CAMK2B: variants seen among roughly 807,000 people sequenced by gnomAD.
CAMK2B encodes the protein calcium/calmodulin-dependent protein kinase type II subunit beta.
A neutral mutation model predicts 93.7 loss-of-function variants in CAMK2B; 27 were observed. The observed-to-expected ratio is 0.29, with a 90% confidence interval of 0.21 to 0.40. The LOEUF (loss-of-function observed/expected upper bound fraction) is 0.40. CAMK2B is among the 10% of genes least tolerant of loss of function. CAMK2B has a pLI of 1.00. For missense variants in CAMK2B, 568 were observed against 895.8 expected (o/e 0.63, Z 4.67); for synonymous variants, 374 against 358.8 (o/e 1.04, Z -0.48).
intron 16 of CAMK2B, 122 bp downstream of exon 16, chr7:44,232,700 G>C: frequency 1.2e-6 from 1 of 818,782 alleles, no homozygotes; most frequent in Non-Finnish European, 1.9e-6. Flanking sequence ...CGTACTGCGG[G>C]GAGGGGCGGC....
intron 2 of CAMK2B, among the ~76,000 whole-genome samples, chr7:44,274,007 G>A (rs1247039519): frequency 3.9e-5 from 6 of 152,108 alleles, no homozygotes; most frequent in African/African-American, 9.7e-5. Context: ...CAGCAGTCCC[G>A]CACACTGCTA....
At position 44,218,443 on chromosome 7, in the gene CAMK2B, CAG is replaced by C. The variant is rs2096362042; in HGVS notation, c.*1080_*1081del. The C allele has an allele frequency of 6.6e-6, 1 of 152,336 alleles. No homozygotes were observed. Among genetic ancestry groups the C allele is most frequent in the South Asian group, 2.1e-4 (1 of 4,836 alleles). The allele number at this position is 152,336 out of a possible 1,614,324, so 9.4% of individuals were successfully genotyped here. On this transcript the variant is annotated 3_prime_UTR_variant, in exon 24 of 24. Transcript: ENST00000395749. ...CCCCTCCCAGCTTCAGCTGGGGGCTCAGGGACTTGAGCGAGGCCCGCAGTCCT... is the reference window on the plus strand; with the variant it reads ...CCCCTCCCAGCTTCAGCTGGGGGCTCGGACTTGAGCGAGGCCCGCAGTCCT...
chr7:44,242,001 G>A (rs1378234928), intron 10 of CAMK2B, among the ~76,000 whole-genome samples: 2 of 152,194 alleles, frequency 1.3e-5, no homozygotes, highest in Non-Finnish European at 2.9e-5. Flanking sequence ...CAGTTGGGAG[G>A]AAGGGATCAC....
chr7:44,286,302 T>G lies in CAMK2B; in HGVS notation c.66-2077A>C, dbSNP rs935415385. The stretch of plus-strand genomic sequence containing the variant: ...CAGGGCTGACGTGGCAGGCCTCCAC[T>G]GAGTGTTCTGGACCAGGCCCTGAAG... On this transcript the variant is annotated intron_variant, in intron 1 of 23. Transcript: ENST00000395749. This position sits in a 1 kb window ranked among gnomAD's most constrained non-coding sequence, Gnocchi z 4.0. 2.6e-4 allele frequency among the ~76,000 whole-genome samples: 40 copies of G among 152,164 alleles called. No individual in the cohort carries two copies. Among genetic ancestry groups the G allele is most frequent in the African/African-American group, 8.9e-4 (37 of 41,450 alleles).
intron 17 of CAMK2B, 150 bp downstream of exon 17, chr7:44,230,856 A>T: frequency 1.6e-6 from 1 of 623,072 alleles, no homozygotes; most frequent in South Asian, 2.0e-5. Context: ...GGCTTGGAGC[A>T]GGATTACAGC....
rs536045873 is a variant in CAMK2B, at chr7:44,218,241, A to G, written c.*1284T>C. ...CCCTTCTGCTCCCGGCCCAGATTCCAAAGGCACTCCCACTTCAGTAAACCC... is the reference window on the plus strand; with the variant it reads ...CCCTTCTGCTCCCGGCCCAGATTCCGAAGGCACTCCCACTTCAGTAAACCC... On this transcript the variant is annotated 3_prime_UTR_variant, in exon 24 of 24. Coordinates refer to ENST00000395749, the MANE Select transcript of CAMK2B (RefSeq NM_001220.5). 6.5e-6 allele frequency: 1 copy of G among 153,076 alleles called. No homozygotes were observed. The highest frequency in any genetic ancestry group is 2.4e-5 in the African/African-American group (1 of 41,588). 9.5% of individuals were successfully genotyped at this position (153,076 alleles called of 1,614,324 possible). A position where few individuals can be genotyped will look rare whatever the true frequency, so the allele number is the denominator to read the frequency against.
intron 17 of CAMK2B, chr7:44,230,292 G>A (rs999183023): frequency 6.6e-6 from 1 of 152,464 alleles, no homozygotes; most frequent in Non-Finnish European, 1.5e-5. Context: ...GCTTTGGACA[G>A]GTGAGAAGTT....
chr7:44,231,265 G>A (rs925559861), intron 16 of CAMK2B, among the ~76,000 whole-genome samples: 2 of 152,194 alleles, frequency 1.3e-5, no homozygotes, highest in Non-Finnish European at 2.9e-5. Flanking sequence ...TGGACCTCAT[G>A]CGGCAGTGAC....
chr7:44,278,119 T>A (rs1008950680), intron 2 of CAMK2B, among the ~76,000 whole-genome samples: 16 of 151,806 alleles, frequency 1.1e-4, no homozygotes, highest in African/African-American at 3.9e-4. Context: ...GCCTGGGGAG[T>A]TCCAGGCAGG....
intron 1 of CAMK2B, among the ~76,000 whole-genome samples, chr7:44,291,604 G>A (rs1786854467): frequency 6.6e-6 from 1 of 152,176 alleles, no homozygotes; most frequent in Non-Finnish European, 1.5e-5. Context: ...TTTGACTTTT[G>A]TATTTAACAT....
chr7:44,246,130 G>C (rs2096727310), intron 6 of CAMK2B, among the ~76,000 whole-genome samples: 1 of 152,094 alleles, frequency 6.6e-6, no homozygotes, highest in Non-Finnish European at 1.5e-5. Flanking sequence ...CTTGAGGAAA[G>C]GGCTGGGAGG....
At chr7:44,254,189 C>G (rs1026309906) in intron 5 of CAMK2B, among the ~76,000 whole-genome samples, 1 of 152,196 alleles carries the variant, frequency 6.6e-6, no homozygotes, top group Non-Finnish European at 1.5e-5. Context: ...CCATCTGTCC[C>G]TCTTCATCCC....
intron 7 of CAMK2B, 40 bp from the exon 8 acceptor site, chr7:44,243,373 C>T: frequency 6.2e-7 from 1 of 1,610,960 alleles, no homozygotes; most frequent in East Asian, 2.2e-5. Flanking sequence ...CTGTCAGCAT[C>T]ACCTCCTGCC....
chr7:44,291,975 T>C (rs1353204846), intron 1 of CAMK2B, among the ~76,000 whole-genome samples: 1 of 152,214 alleles, frequency 6.6e-6, no homozygotes, highest in Non-Finnish European at 1.5e-5. Context: ...AACTTATCCA[T>C]GCTTTATGAG....
At position 44,258,937 on chromosome 7, in the gene CAMK2B, A is replaced by G; in HGVS notation, c.221-11T>C. ...TGTCGTGGAGACGCACTGTGGGGAC[A>G]GAGAAGCCATGAGGGGCTGGCAATA... On this transcript the variant is annotated splice_polypyrimidine_tract_variant and intron_variant, in intron 3 of 23. Transcript: ENST00000395749. The G allele has an allele frequency of 6.2e-7, 1 of 1,613,344 alleles. No individual in the cohort carries two copies. The highest frequency in any genetic ancestry group is 1.1e-5 in the South Asian group (1 of 91,020).
intron 2 of CAMK2B, among the ~76,000 whole-genome samples, chr7:44,276,853 C>G (rs1218621593): frequency 1.9e-4 from 29 of 152,192 alleles, no homozygotes; most frequent in Non-Finnish European, 1.5e-5. Flanking sequence ...GCTAGGGGAC[C>G]CCGTCCACCT....
At chr7:44,287,971 G>A (rs1785596386) in intron 1 of CAMK2B, among the ~76,000 whole-genome samples, 1 of 152,246 alleles carries the variant, frequency 6.6e-6, no homozygotes, top group Non-Finnish European at 1.5e-5. Flanking sequence ...CCTGGGCTGT[G>A]ATATAGGAGC....
chr7:44,270,126 C>T (rs1218357568), intron 2 of CAMK2B, among the ~76,000 whole-genome samples: 1 of 151,848 alleles, frequency 6.6e-6, no homozygotes, highest in East Asian at 1.9e-4. Flanking sequence ...GGTTGCCAGA[C>T]CCCCCATGGG....
chr7:44,309,008 T>G (rs767809622), intron 1 of CAMK2B, among the ~76,000 whole-genome samples: 1 of 152,218 alleles, frequency 6.6e-6, no homozygotes, highest in Non-Finnish European at 1.5e-5. Flanking sequence ...AGGGGGGTTG[T>G]GTCCTCAGGT....
Sources: gnomAD v4.1 joint callset for allele counts (sites outside exome capture counted in the v4.1 genomes callset) on GRCh38, gnomAD v4.1.1 for gene constraint, Gnocchi (gnomAD v3.1) non-coding constraint, MANE v1.5 for transcripts, NCBI Gene and HGNC (gene_info 2026-07-23, HGNC 2026-07-21) for gene names.